The following SMG6 variants were observed in gnomAD, a reference collection of about 807,000 sequenced individuals.
The protein encoded by SMG6 is telomerase-binding protein EST1A.
SMG6 carries 66 observed loss-of-function variants against 142.2 expected under a neutral mutation model. The observed-to-expected ratio is 0.46, with a 90% CI of 0.38 to 0.57. The LOEUF (loss-of-function observed/expected upper bound fraction) is 0.57, where lower values mean the gene tolerates loss of function less well. Among genes scored for constraint, SMG6 ranks in the 20% least tolerant of loss-of-function variants. SMG6 has a pLI of 0.00. For missense variants in SMG6, 1,793 were observed against 1,832.0 expected, an observed-to-expected ratio of 0.98 and a Z score of 0.39; for synonymous variants, 779 against 702.4, an observed-to-expected ratio of 1.11 and a Z score of -1.72.
At chr17:2,245,516 C>T (rs1480204062) in intron 8 of SMG6, among the ~76,000 whole-genome samples, 1 of 152,166 alleles carries the variant, frequency 6.6e-6, no homozygotes, top group African/African-American at 2.4e-5. Flanking sequence ...ACTCAAGTAG[C>T]TGGGATTACA....
chr17:2,107,198 C>T (rs1396373791), intron 13 of SMG6, among the ~76,000 whole-genome samples: 1 of 152,084 alleles, frequency 6.6e-6, no homozygotes, highest in Non-Finnish European at 1.5e-5. Flanking sequence ...TCCCTGTCTT[C>T]CCATGGGTGT....
intron 13 of SMG6, chr17:2,087,754 A>G (rs938890754): frequency 2.7e-5 from 27 of 986,108 alleles, no homozygotes; most frequent in Non-Finnish European, 3.1e-5. Flanking sequence ...CAGAGCCGAA[A>G]TGAGTAATAG....
intron 10 of SMG6, among the ~76,000 whole-genome samples, chr17:2,231,225 A>G (rs540732034): frequency 1.3e-5 from 2 of 152,298 alleles, no homozygotes; most frequent in East Asian, 3.9e-4. Flanking sequence ...GTTGCGAACC[A>G]AACTCAACTA....
At position 2,253,284 on chromosome 17, in the gene SMG6, G is replaced by A. The variant is rs2074090590; in HGVS notation, c.2662-8565C>T. Among the ~76,000 whole-genome samples, 4 of 152,182 alleles carry A rather than the reference G, an allele frequency of 2.6e-5. No individual in the cohort carries two copies. The South Asian group carries it at 8.3e-4, about 32-fold the overall frequency. ...AGCCTCCTGAGCAGCTGGGACTACA[G>A]GCGCCTGCCACTACGCCTGGCTAAT... On this transcript the variant is annotated intron_variant, in intron 8 of 18. Transcript: ENST00000263073.
In SMG6 at chr17:2,198,950, T is replaced by TAAAAAA. The variant is rs55660022; in HGVS notation, c.2870-10441_2870-10436dup. 4.2e-3 allele frequency among the ~76,000 whole-genome samples: 432 copies of TAAAAAA among 101,856 alleles called. 1 individual carries two copies. Among genetic ancestry groups the TAAAAAA allele is most frequent in the East Asian group, 6.5e-3 (21 of 3,246 alleles). 66.8% of individuals were successfully genotyped at this position (101,856 alleles called of 152,430 possible). On this transcript the variant is annotated intron_variant, in intron 10 of 18. Coordinates refer to ENST00000263073, the MANE Select transcript of SMG6 (RefSeq NM_017575.5). ...AACCAGAAGGAAAATAAAATAAAAT[T>TAAAAAA]AAAAAAAAAAAAAAAAAAAAAAAAG...
intron 13 of SMG6, among the ~76,000 whole-genome samples, chr17:2,098,780 G>A (rs919044399): frequency 3.3e-5 from 5 of 152,036 alleles, no homozygotes; most frequent in African/African-American, 1.2e-4. Flanking sequence ...ACAGGCACCC[G>A]CCACCATGTC....
At chr17:2,276,386 A>G (rs1167064706) in intron 8 of SMG6, among the ~76,000 whole-genome samples, 2 of 151,964 alleles carry the variant, frequency 1.3e-5, no homozygotes, top group Non-Finnish European at 2.9e-5. Flanking sequence ...ACAACTGTCC[A>G]GCAAACGTTT....
intron 8 of SMG6, among the ~76,000 whole-genome samples, chr17:2,268,738 C>A (rs539815238): frequency 2.6e-5 from 4 of 150,958 alleles, no homozygotes; most frequent in African/African-American, 9.7e-5. Context: ...GGTGAAACCC[C>A]ATCTCTACTA....
intron 10 of SMG6, among the ~76,000 whole-genome samples, chr17:2,229,803 C>T (rs1050522486): frequency 6.6e-6 from 1 of 152,156 alleles, no homozygotes; most frequent in Non-Finnish European, 1.5e-5. Context: ...TCTGTGAATT[C>T]AGCATACAGT....
intron 10 of SMG6, chr17:2,199,670 C>T (rs1418164401): frequency 6.6e-6 from 1 of 151,838 alleles, no homozygotes; most frequent in African/African-American, 2.4e-5. Flanking sequence ...CTTTGAGAGG[C>T]TGAGGCGGAT....
intron 10 of SMG6, chr17:2,229,485 G>A (rs2073410330): frequency 6.6e-6 from 1 of 152,176 alleles, no homozygotes; most frequent in African/African-American, 2.4e-5. Context: ...CTTGACACCT[G>A]TGTATAATTT....
chr17:2,240,505 A>G (rs979528606), intron 9 of SMG6, among the ~76,000 whole-genome samples: 1 of 152,112 alleles, frequency 6.6e-6, no homozygotes, highest in African/African-American at 2.4e-5. Context: ...AAATCATAGT[A>G]CTACAGAACA....
chr17:2,222,964 G>C (rs999072287), intron 10 of SMG6, among the ~76,000 whole-genome samples: 2 of 152,144 alleles, frequency 1.3e-5, no homozygotes, highest in African/African-American at 4.8e-5. Context: ...CTCTCTCAGG[G>C]GAGAGGTGAA....
chr17:2,266,662 G>A (rs1416868395), intron 8 of SMG6, among the ~76,000 whole-genome samples: 1 of 152,126 alleles, frequency 6.6e-6, no homozygotes, highest in Non-Finnish European at 1.5e-5. Flanking sequence ...CTCTGTTAGA[G>A]GAAAGAAACC....
At chr17:2,290,177 A>G (rs962323045) in intron 6 of SMG6, among the ~76,000 whole-genome samples, 6 of 152,150 alleles carry the variant, frequency 3.9e-5, no homozygotes, top group Admixed American at 3.9e-4. Context: ...CCAATACAAT[A>G]CTGAAAAACA....
At chr17:2,204,976 C>A (rs1233472751) in intron 10 of SMG6, among the ~76,000 whole-genome samples, 4 of 152,026 alleles carry the variant, frequency 2.6e-5, no homozygotes, top group African/African-American at 9.7e-5. Flanking sequence ...AGTAACATAG[C>A]CCTTCCAAAT....
intron 12 of SMG6, among the ~76,000 whole-genome samples, chr17:2,184,690 C>T (rs1397799515): frequency 2.6e-4 from 30 of 117,606 alleles, no homozygotes; most frequent in Admixed American, 5.3e-4. Context: ...AGGCTGGGTA[C>T]GGTGGTTCAT....
chr17:2,087,839 A>C (rs2068607086), intron 13 of SMG6: 1 of 985,654 alleles, frequency 1.0e-6, no homozygotes, highest in Non-Finnish European at 1.2e-6. Flanking sequence ...CTGCATTTCC[A>C]CAAGACTGCC....
chr17:2,069,891 C>T (rs147867821), intron 15 of SMG6, among the ~76,000 whole-genome samples: 8 of 152,334 alleles, frequency 5.3e-5, no homozygotes, highest in South Asian at 2.1e-4. Context: ...ATTTACTCGA[C>T]GTTTTTCTTT....
Sources: allele counts gnomAD v4.1 joint callset (sites outside exome capture counted in the v4.1 genomes callset), GRCh38; gene constraint gnomAD v4.1.1; transcripts MANE v1.5; gene names NCBI Gene and HGNC (gene_info 2026-07-23, HGNC 2026-07-21).